MKRN2: variants seen among roughly 807,000 people sequenced by gnomAD.
MKRN2 encodes E3 ubiquitin-protein ligase makorin-2.
MKRN2 carries 32 observed loss-of-function variants against 45.4 expected under a neutral mutation model. The observed-to-expected ratio is 0.70, with a 90% CI of 0.53 to 0.95. MKRN2 has a LOEUF of 0.95. MKRN2 is among the 40% of genes least tolerant of loss of function. The pLI is 0.00. For missense variants in MKRN2, 526 were observed against 536.7 expected (o/e 0.98, Z 0.20); for synonymous variants, 206 against 192.4 (o/e 1.07, Z -0.59).
intron 1 of MKRN2, among the ~76,000 whole-genome samples, chr3:12,567,682 G>A (rs751841141): frequency 6.6e-6 from 1 of 151,732 alleles, no homozygotes; most frequent in Non-Finnish European, 1.5e-5. Context: ...GTAGAGACGG[G>A]GTTTCTCCAT....
intron 1 of MKRN2, among the ~76,000 whole-genome samples, chr3:12,565,634 C>T (rs1006796073): frequency 2.0e-5 from 3 of 147,012 alleles, no homozygotes; most frequent in Admixed American, 1.4e-4. Context: ...CTCCTGGGCT[C>T]AATCGATCCT....
At chr3:12,567,785 C>G (rs1037261487) in intron 1 of MKRN2, among the ~76,000 whole-genome samples, 4 of 152,038 alleles carry the variant, frequency 2.6e-5, no homozygotes, top group Non-Finnish European at 4.4e-5. Flanking sequence ...GCCACCACAC[C>G]CAGCCTAGTT....
intron 5 of MKRN2, among the ~76,000 whole-genome samples, chr3:12,575,804 A>C (rs115414543): frequency 8.5e-4 from 130 of 152,274 alleles, no homozygotes; most frequent in Non-Finnish European, 1.7e-3. Flanking sequence ...GGCCCCTTTC[A>C]CTGAGCATAG....
chr3:12,558,062 C>G (rs1483319226), intron 1 of MKRN2, among the ~76,000 whole-genome samples: 1 of 152,172 alleles, frequency 6.6e-6, no homozygotes, highest in Non-Finnish European at 1.5e-5. Context: ...TTGGAAAATG[C>G]AAATTTCATT....
chr3:12,557,641 G>T (rs2057990330), intron 1 of MKRN2, among the ~76,000 whole-genome samples: 1 of 152,268 alleles, frequency 6.6e-6, no homozygotes, highest in African/African-American at 2.4e-5. Flanking sequence ...ATCTAAACTT[G>T]CAGAGAGTTA....
chr3:12,583,412 A>G lies in MKRN2; in HGVS notation c.*1159A>G, dbSNP rs1294537118. 5.5e-6 allele frequency: 1 copy of G among 181,292 alleles called. No homozygotes were observed. Among genetic ancestry groups the G allele is most frequent in the Non-Finnish European group, 1.2e-5 (1 of 85,156 alleles). 11.2% of individuals were successfully genotyped at this position (181,292 alleles called of 1,614,324 possible). On this transcript the variant is annotated 3_prime_UTR_variant, in exon 8 of 8. Transcript: ENST00000170447. ...GCTGAGTTTAGAGTACTTTCTGCTT[A>G]ATTAATTTTTATACTTAACTCTTCA...
chr3:12,562,996 G>A (rs576875788), intron 1 of MKRN2, among the ~76,000 whole-genome samples: 18 of 152,202 alleles, frequency 1.2e-4, no homozygotes, highest in Middle Eastern at 3.4e-3. Flanking sequence ...CCCCCATTCC[G>A]TGGAAAAATT....
In MKRN2 at chr3:12,580,340, A is replaced by G. The variant is rs148060570; in HGVS notation, c.969-1468A>G. Among the ~76,000 whole-genome samples, 1,218 of 152,268 alleles carry G rather than the reference A, an allele frequency of 8.0e-3. 14 individuals are homozygous for G. The highest frequency in any genetic ancestry group is 0.027 in the African/African-American group (1,134 of 41,534). ...TCATTTGAAGTCCGCTCAGAACTCC[A>G]GGCAAGCAGGGGCCTGGAGGATGTG... On this transcript the variant is annotated intron_variant, in intron 6 of 7. Transcript: ENST00000170447.
rs375540711 is a variant in MKRN2, at chr3:12,572,161, C to T, written c.430C>T (p.Pro144Ser). The T allele has an allele frequency of 6.2e-7, 1 of 1,614,046 alleles. No individual in the cohort carries two copies. The highest frequency in any genetic ancestry group is 1.3e-5 in the African/African-American group (1 of 74,926). Residue 144 changes from proline (P) to serine (S), a missense_variant, in exon 4 of 8, where the codon CCG (proline) becomes TCG (serine). Transcript: ENST00000170447. Reference sequence around the variant, plus strand: ...CCCCCAGCCCAGCCCCGAGATGAAGCCGCATTCCTACCTGGATGCCATCAG... The same window carrying T: ...CCCCCAGCCCAGCCCCGAGATGAAGTCGCATTCCTACCTGGATGCCATCAG... ...SDPQPSPEMK[P>S]HSYLDAIRSG... is the part of the protein sequence containing the mutation.
intron 4 of MKRN2, among the ~76,000 whole-genome samples, chr3:12,574,431 C>G (rs1294476593): frequency 6.6e-6 from 1 of 152,222 alleles, no homozygotes; most frequent in Non-Finnish European, 1.5e-5. Flanking sequence ...AGACATGGCT[C>G]AGAGTCGGGG....
intron 3 of MKRN2, among the ~76,000 whole-genome samples, chr3:12,570,701 G>A (rs1287196146): frequency 6.6e-6 from 1 of 151,694 alleles, no homozygotes; most frequent in Non-Finnish European, 1.5e-5. Context: ...ACATGGTTTA[G>A]TAGAAACCCT....
At chr3:12,577,679 A>G (rs2058150240) in intron 6 of MKRN2, among the ~76,000 whole-genome samples, 1 of 147,366 alleles carries the variant, frequency 6.8e-6, no homozygotes, top group Non-Finnish European at 1.5e-5. Context: ...TAAAGTGATG[A>G]TTTTTTTTTT....
intron 1 of MKRN2, among the ~76,000 whole-genome samples, chr3:12,564,263 A>C (rs1289747039): frequency 6.6e-6 from 1 of 152,166 alleles, no homozygotes; most frequent in Non-Finnish European, 1.5e-5. Flanking sequence ...TTTTGTGTCT[A>C]TACCCAGAAG....
At chr3:12,571,833 C>G (rs2058101338) in intron 3 of MKRN2, among the ~76,000 whole-genome samples, 1 of 152,030 alleles carries the variant, frequency 6.6e-6, no homozygotes, top group Non-Finnish European at 1.5e-5. Context: ...TGCTATTTCC[C>G]TGTCTTGCCA....
intron 1 of MKRN2, among the ~76,000 whole-genome samples, chr3:12,563,284 A>G (rs2058050329): frequency 1.3e-5 from 2 of 152,192 alleles, no homozygotes; most frequent in African/African-American, 4.8e-5. Flanking sequence ...TTCCCTGGGA[A>G]AAAAATAAAC....
At position 12,582,449 on chromosome 3, in the gene MKRN2, A is replaced by C. The variant is rs2058189915; in HGVS notation, c.*196A>C. ...GTGAAAGATATAAAGTAACCTAATTAAATGTATGGAATTGCTATTTTTATA... is the reference window on the plus strand; with the variant it reads ...GTGAAAGATATAAAGTAACCTAATTCAATGTATGGAATTGCTATTTTTATA... On this transcript the variant is annotated 3_prime_UTR_variant, in exon 8 of 8. Transcript: ENST00000170447. 1.1e-5 allele frequency: 7 copies of C among 645,960 alleles called. No individual in the cohort carries two copies. The highest frequency in any genetic ancestry group is 1.5e-5 in the Non-Finnish European group (6 of 391,928). The allele number at this position is 645,960 out of a possible 1,614,324, so 40.0% of individuals were successfully genotyped here. A position where few individuals can be genotyped will look rare whatever the true frequency, so the allele number is the denominator to read the frequency against.
At chr3:12,574,248 C>T (rs991976122) in intron 4 of MKRN2, among the ~76,000 whole-genome samples, 2 of 152,152 alleles carry the variant, frequency 1.3e-5, no homozygotes, top group Non-Finnish European at 2.9e-5. Flanking sequence ...AAGGGCTGGG[C>T]CTAGGTCTTC....
intron 6 of MKRN2, among the ~76,000 whole-genome samples, chr3:12,577,682 T>A (rs1457871755): frequency 6.7e-6 from 1 of 150,366 alleles, no homozygotes; most frequent in Non-Finnish European, 1.5e-5. Context: ...AGTGATGATT[T>A]TTTTTTTTTT....
At chr3:12,579,358 G>A (rs945174940) in intron 6 of MKRN2, among the ~76,000 whole-genome samples, 3 of 152,006 alleles carry the variant, frequency 2.0e-5, no homozygotes, top group African/African-American at 7.3e-5. Flanking sequence ...GTAGGGATGG[G>A]GTTTCGCCAT....
Sources: allele counts gnomAD v4.1 joint callset (sites outside exome capture counted in the v4.1 genomes callset), GRCh38; gene constraint gnomAD v4.1.1; transcripts MANE v1.5; gene names NCBI Gene and HGNC (gene_info 2026-07-23, HGNC 2026-07-21).